Variants in HS6ST3 observed in about 807,000 individuals in gnomAD.
HS6ST3 encodes heparan sulfate 6-O-sulfotransferase 3.
HS6ST3 carries 12 observed loss-of-function variants against 36.7 expected under a neutral mutation model. The observed-to-expected ratio is 0.33, with a 90% CI of 0.21 to 0.53. The LOEUF is 0.53. Among genes scored for constraint, HS6ST3 ranks in the 20% least tolerant of loss-of-function variants. HS6ST3 has a pLI of 0.95. For synonymous variants in HS6ST3, 240 were observed against 257.5 expected (o/e 0.93, Z 0.65); for missense variants, 584 against 640.9 (o/e 0.91, Z 0.96).
At chr13:96,173,764 A>C in intron 1 of HS6ST3, among the ~76,000 whole-genome samples, 1 of 151,632 alleles carries the variant, frequency 6.6e-6, no homozygotes, top group African/African-American at 2.4e-5. Context: ...ATTGGTGCCT[A>C]GTAAATAAGA....
chr13:96,406,291 C>T (rs1283944022), intron 1 of HS6ST3, among the ~76,000 whole-genome samples: 1 of 152,120 alleles, frequency 6.6e-6, no homozygotes, highest in Non-Finnish European at 1.5e-5. Flanking sequence ...GAATATAAGA[C>T]TTATACCATA....
chr13:96,106,686 T>C (rs747642807), intron 1 of HS6ST3, among the ~76,000 whole-genome samples: 6 of 152,242 alleles, frequency 3.9e-5, no homozygotes, highest in Non-Finnish European at 7.3e-5. Flanking sequence ...TGAGTACAGA[T>C]ACAGGATGGT....
At chr13:96,764,837 C>T (rs912499414) in intron 1 of HS6ST3, among the ~76,000 whole-genome samples, 1 of 152,080 alleles carries the variant, frequency 6.6e-6, no homozygotes, top group African/African-American at 2.4e-5. Context: ...TGATCACTTT[C>T]CCCTTGGAAT....
At chr13:96,810,918 T>C (rs1435044068) in intron 1 of HS6ST3, among the ~76,000 whole-genome samples, 1 of 152,204 alleles carries the variant, frequency 6.6e-6, no homozygotes, top group Non-Finnish European at 1.5e-5. Flanking sequence ...CAAGTTTTCC[T>C]GTAGTCTTAA....
At chr13:96,721,958 G>T (rs1194402403) in intron 1 of HS6ST3, among the ~76,000 whole-genome samples, 1 of 152,180 alleles carries the variant, frequency 6.6e-6, no homozygotes, top group African/African-American at 2.4e-5. Context: ...TTAAGTAAGA[G>T]ATGGTTACCC....
chr13:96,822,600 G>C lies in HS6ST3; in HGVS notation c.708-9890G>C, dbSNP rs561217917. On this transcript the variant is annotated intron_variant, in intron 1 of 1. Transcript: ENST00000376705. ...ACAAGATTTGAAATTTCCTCTTATT[G>C]ATAAATACCATCTCTCCCTCTAGGG... is the stretch of plus-strand genomic sequence containing the variant. Among the ~76,000 whole-genome samples the C allele has an allele frequency of 5.3e-5, 8 of 152,268 alleles. No homozygotes were observed. The South Asian group carries it at 1.2e-3, about 24-fold the overall frequency.
chr13:96,260,232 TTCCTTCCTTC>T (rs2054657499), intron 1 of HS6ST3, among the ~76,000 whole-genome samples: 1 of 28,360 alleles, frequency 3.5e-5, no homozygotes, highest in Non-Finnish European at 8.7e-5. Flanking sequence ...ATTTTTTCCC[TTCCTTCCTTC>T]CTTCCTTCCT....
At chr13:96,713,632 A>G (rs1281841534) in intron 1 of HS6ST3, among the ~76,000 whole-genome samples, 1 of 152,160 alleles carries the variant, frequency 6.6e-6, no homozygotes, top group Non-Finnish European at 1.5e-5. Context: ...TTTTGTGACT[A>G]TTTGTAAAAG....
chr13:96,427,384 C>T (rs1159117574), intron 1 of HS6ST3: 2 of 152,188 alleles, frequency 1.3e-5, no homozygotes, highest in African/African-American at 4.8e-5. Flanking sequence ...GCTTCTTTCT[C>T]CCCTCCTTTT....
At chr13:96,179,019 A>G (rs1348452058) in intron 1 of HS6ST3, among the ~76,000 whole-genome samples, 3 of 152,228 alleles carry the variant, frequency 2.0e-5, no homozygotes, top group African/African-American at 7.2e-5. Context: ...AGCATCTCAG[A>G]ATTTTAAATA....
At chr13:96,398,603 G>A (rs375623718) in intron 1 of HS6ST3, among the ~76,000 whole-genome samples, 1 of 152,094 alleles carries the variant, frequency 6.6e-6, no homozygotes, top group Admixed American at 6.6e-5. Context: ...TTAAAAAATT[G>A]ACTGAAAGAA....
chr13:96,232,936 T>C (rs1417631023), intron 1 of HS6ST3, among the ~76,000 whole-genome samples: 1 of 152,222 alleles, frequency 6.6e-6, no homozygotes, highest in African/African-American at 2.4e-5. Flanking sequence ...TATGTGGCCT[T>C]GGTCAGCCAA....
intron 1 of HS6ST3, among the ~76,000 whole-genome samples, chr13:96,279,914 A>G (rs2054767042): frequency 1.3e-5 from 2 of 152,124 alleles, no homozygotes; most frequent in Non-Finnish European, 2.9e-5. Context: ...ATCTTTTAAG[A>G]TTGTTAATAT....
At chr13:96,557,779 C>T (rs562867985) in intron 1 of HS6ST3, among the ~76,000 whole-genome samples, 35 of 152,320 alleles carry the variant, frequency 2.3e-4, no homozygotes, top group African/African-American at 7.5e-4. Flanking sequence ...CTGCCTTTGA[C>T]TCCTAGCTTA....
chr13:96,496,166 C>T (rs1382853171), intron 1 of HS6ST3, among the ~76,000 whole-genome samples: 3 of 152,188 alleles, frequency 2.0e-5, no homozygotes, highest in Non-Finnish European at 2.9e-5. Context: ...TCATCCCATT[C>T]CTAAATGCCC....
intron 1 of HS6ST3, among the ~76,000 whole-genome samples, chr13:96,476,791 G>A (rs866235311): frequency 6.6e-6 from 1 of 152,108 alleles, no homozygotes. Flanking sequence ...TGTTAATGAT[G>A]GGAAACCAAT....
chr13:96,440,783 A>T (rs1322714149), intron 1 of HS6ST3, among the ~76,000 whole-genome samples: 2 of 152,200 alleles, frequency 1.3e-5, no homozygotes, highest in African/African-American at 4.8e-5. Context: ...ACTATAAGAA[A>T]TAGTCTTGAG....
intron 1 of HS6ST3, among the ~76,000 whole-genome samples, chr13:96,454,714 C>T (rs1046978014): frequency 2.6e-5 from 4 of 151,588 alleles, no homozygotes; most frequent in African/African-American, 9.7e-5. Flanking sequence ...GACTGTGAGT[C>T]ACTATAGACA....
At chr13:96,197,387 C>T (rs963195159) in intron 1 of HS6ST3, among the ~76,000 whole-genome samples, 1 of 152,174 alleles carries the variant, frequency 6.6e-6, no homozygotes, top group Non-Finnish European at 1.5e-5. Flanking sequence ...CTGGGTCCCT[C>T]CCACAACATG....
Sources: allele counts gnomAD v4.1 joint callset (sites outside exome capture counted in the v4.1 genomes callset), GRCh38; gene constraint gnomAD v4.1.1; transcripts MANE v1.5; gene names NCBI Gene and HGNC (gene_info 2026-07-23, HGNC 2026-07-21).